The following CNTNAP2 variants were observed in gnomAD, a reference collection of about 807,000 sequenced individuals.
CNTNAP2 encodes contactin-associated protein-like 2.
Under a neutral mutation model 155.2 loss-of-function variants are expected in CNTNAP2, and 98 were observed. The ratio of observed to expected loss-of-function variants is 0.63; its 90% CI spans 0.54 to 0.75. The LOEUF (loss-of-function observed/expected upper bound fraction) is 0.75, where lower values mean the gene tolerates loss of function less well. CNTNAP2 is among the 30% of genes least tolerant of loss of function. CNTNAP2 has a pLI of 0.00. For synonymous variants in CNTNAP2, 651 were observed against 631.2 expected (o/e 1.03, Z -0.47); for missense variants, 1,727 against 1,688.1 (o/e 1.02, Z -0.40).
intron 4 of CNTNAP2, among the ~76,000 whole-genome samples, chr7:147,106,719 G>A (rs759824192): frequency 4.2e-4 from 64 of 152,126 alleles, no homozygotes; most frequent in Non-Finnish European, 8.8e-4. Flanking sequence ...CATTTTATTC[G>A]AAGTAACTGT....
At chr7:146,293,666 G>A (rs1800466856) in intron 1 of CNTNAP2, among the ~76,000 whole-genome samples, 1 of 151,950 alleles carries the variant, frequency 6.6e-6, no homozygotes. Context: ...GGTATATATG[G>A]CTTTTGATGC....
At position 147,839,955 on chromosome 7, in the gene CNTNAP2, C is replaced by CACACACACACACAT. The variant is rs771240317; in HGVS notation, c.2099-63609_2099-63608insCACACACACACATA. ...ATATATGTATACACACACACACACA[C>CACACACACACACAT]ATATATATACCATGGAATACTACTC... On this transcript the variant is annotated intron_variant, in intron 13 of 23. Transcript: ENST00000361727. 1.6e-4 allele frequency among the ~76,000 whole-genome samples: 24 copies of CACACACACACACAT among 150,892 alleles called. No individual in the cohort carries two copies. The South Asian group carries it at 4.0e-3, about 25-fold the overall frequency.
At chr7:148,275,719 A>G (rs531619348) in intron 21 of CNTNAP2, among the ~76,000 whole-genome samples, 1 of 152,170 alleles carries the variant, frequency 6.6e-6, no homozygotes, top group African/African-American at 2.4e-5. Flanking sequence ...GGGCTACCTC[A>G]TGGCATGGTG....
At chr7:148,343,039 C>T (rs1332085320) in intron 21 of CNTNAP2, among the ~76,000 whole-genome samples, 1 of 152,228 alleles carries the variant, frequency 6.6e-6, no homozygotes, top group Non-Finnish European at 1.5e-5. Flanking sequence ...GGGAAAGTTC[C>T]ATTGTGGGCC....
intron 8 of CNTNAP2, among the ~76,000 whole-genome samples, chr7:147,294,660 T>A (rs1805393144): frequency 7.3e-6 from 1 of 137,202 alleles, no homozygotes; most frequent in Non-Finnish European, 1.6e-5. Context: ...CCAAAGACAA[T>A]TTTTTTTTTT....
At chr7:146,864,442 G>T (rs545726317) in intron 3 of CNTNAP2, among the ~76,000 whole-genome samples, 1 of 152,154 alleles carries the variant, frequency 6.6e-6, no homozygotes, top group African/African-American at 2.4e-5. Context: ...AATTCATAAT[G>T]GTCAACTATA....
intron 9 of CNTNAP2, among the ~76,000 whole-genome samples, chr7:147,356,262 A>G (rs143529203): frequency 1.8e-3 from 275 of 152,268 alleles, no homozygotes; most frequent in African/African-American, 6.2e-3. Flanking sequence ...CTCTCAATAA[A>G]GTAGGTATTG....
At chr7:148,371,513 G>A (rs1158850879) in intron 21 of CNTNAP2, among the ~76,000 whole-genome samples, 1 of 152,042 alleles carries the variant, frequency 6.6e-6, no homozygotes, top group Non-Finnish European at 1.5e-5. Flanking sequence ...TGCCATTGAT[G>A]TCTTTATCCA....
chr7:147,675,710 T>C (rs1795855963), intron 13 of CNTNAP2, among the ~76,000 whole-genome samples: 1 of 152,012 alleles, frequency 6.6e-6, no homozygotes, highest in Non-Finnish European at 1.5e-5. Context: ...TTTAGCACCA[T>C]CAAGTTGACA....
intron 17 of CNTNAP2, among the ~76,000 whole-genome samples, chr7:148,161,804 C>T (rs192908029): frequency 3.0e-4 from 45 of 152,358 alleles, no homozygotes; most frequent in Admixed American, 1.6e-3. Flanking sequence ...ACTGTGCCCT[C>T]CTTGAAATCT....
chr7:147,229,431 C>A (rs1356382777), intron 8 of CNTNAP2, among the ~76,000 whole-genome samples: 1 of 151,944 alleles, frequency 6.6e-6, no homozygotes, highest in African/African-American at 2.4e-5. Context: ...CCATGTAAGC[C>A]ACAATAAAAC....
At chr7:147,141,918 A>C (rs749344155) in intron 8 of CNTNAP2, among the ~76,000 whole-genome samples, 2 of 152,112 alleles carry the variant, frequency 1.3e-5, no homozygotes, top group Non-Finnish European at 1.5e-5. Context: ...CCCATTACTA[A>C]AGAATAAGTC....
chr7:146,913,803 A>C (rs1431865812), intron 3 of CNTNAP2, among the ~76,000 whole-genome samples: 1 of 151,662 alleles, frequency 6.6e-6, no homozygotes, highest in Admixed American at 6.6e-5. Context: ...GTGTTTGGTG[A>C]CATGAACAAG....
intron 1 of CNTNAP2, among the ~76,000 whole-genome samples, chr7:146,326,303 A>G (rs1159116699): frequency 6.6e-6 from 1 of 152,222 alleles, no homozygotes; most frequent in Non-Finnish European, 1.5e-5. Flanking sequence ...GATTCAGAAA[A>G]TCAATAAACT....
chr7:148,347,183 G>C (rs1400054389), intron 21 of CNTNAP2, among the ~76,000 whole-genome samples: 1 of 152,054 alleles, frequency 6.6e-6, no homozygotes, highest in Non-Finnish European at 1.5e-5. Context: ...CCTGAACCCG[G>C]GAAGTGGAGA....
chr7:147,431,692 G>T (rs1030884258), intron 10 of CNTNAP2, among the ~76,000 whole-genome samples: 2 of 152,036 alleles, frequency 1.3e-5, no homozygotes, highest in Non-Finnish European at 2.9e-5. Flanking sequence ...TTTTCTCTGG[G>T]ATATGTTTGG....
chr7:146,215,127 A>C (rs979881101), intron 1 of CNTNAP2, among the ~76,000 whole-genome samples: 7 of 152,222 alleles, frequency 4.6e-5, no homozygotes, highest in African/African-American at 1.7e-4. Context: ...AAATGCATAA[A>C]ATCTTCTGGT....
At position 148,129,716 on chromosome 7, in the gene CNTNAP2, T is replaced by C. The variant is rs149519383; in HGVS notation, c.2554+11428T>C. On this transcript the variant is annotated intron_variant, in intron 16 of 23. Transcript: ENST00000361727. ...AGTCCTTGAACCTCTCCAGACTTTA[T>C]CATATCCACTTGTAAAACAAGAAGG... 2.1e-3 allele frequency among the ~76,000 whole-genome samples: 315 copies of C among 152,330 alleles called. 6 individuals carry two copies. The highest frequency in any genetic ancestry group is 1.7e-3 in the East Asian group (9 of 5,178).
intron 8 of CNTNAP2, among the ~76,000 whole-genome samples, chr7:147,279,053 A>T (rs1804969633): frequency 6.6e-6 from 1 of 151,754 alleles, no homozygotes; most frequent in Non-Finnish European, 1.5e-5. Context: ...TTAAATAACT[A>T]TAATCATTCT....
Sources: allele counts gnomAD v4.1 joint callset (sites outside exome capture counted in the v4.1 genomes callset), GRCh38; gene constraint gnomAD v4.1.1; transcripts MANE v1.5; gene names NCBI Gene and HGNC (gene_info 2026-07-23, HGNC 2026-07-21).